Variants in MAP4K3 observed in about 807,000 individuals in gnomAD.
MAP4K3 encodes MAPK/ERK kinase kinase kinase 3.
In MAP4K3, 94 loss-of-function variants were observed where a neutral mutation model predicts 143.5. The ratio of observed to expected loss-of-function variants is 0.65; its 90% CI spans 0.55 to 0.78. The LOEUF is 0.78. Ranked by LOEUF, MAP4K3 falls within the 30% of genes least tolerant of loss-of-function variation. The pLI is 0.00. For synonymous variants in MAP4K3, 416 were observed against 347.2 expected, an observed-to-expected ratio of 1.20 and a Z score of -2.20; for missense variants, 1,077 against 1,068.1, an observed-to-expected ratio of 1.01 and a Z score of -0.12.
At chr2:39,279,268 G>A (rs945069600) in intron 23 of MAP4K3, among the ~76,000 whole-genome samples, 6 of 152,252 alleles carry the variant, frequency 3.9e-5, no homozygotes, top group African/African-American at 1.4e-4. Context: ...AAAGTGCCCA[G>A]AATTTAAGAT....
chr2:39,338,587 C>T (rs960874938), intron 4 of MAP4K3, among the ~76,000 whole-genome samples: 29 of 152,164 alleles, frequency 1.9e-4, no homozygotes, highest in African/African-American at 3.1e-4. Flanking sequence ...TTTTCACTTA[C>T]GATGAACACC....
intron 1 of MAP4K3, among the ~76,000 whole-genome samples, chr2:39,403,480 A>G (rs936739484): frequency 6.6e-6 from 1 of 152,154 alleles, no homozygotes; most frequent in Admixed American, 6.5e-5. Flanking sequence ...TGGAAAGCAC[A>G]GTGATTGTGA....
intron 2 of MAP4K3, among the ~76,000 whole-genome samples, chr2:39,366,557 G>GAGGGC (rs1302707959): frequency 9.9e-5 from 15 of 152,232 alleles, no homozygotes; most frequent in Non-Finnish European, 2.1e-4. Context: ...AGAAAGGGAA[G>GAGGGC]AGGGCGTAGT....
At chr2:39,252,525 T>C (rs1489825999) in intron 32 of MAP4K3, among the ~76,000 whole-genome samples, 1 of 152,212 alleles carries the variant, frequency 6.6e-6, no homozygotes, top group Non-Finnish European at 1.5e-5. Flanking sequence ...TGAAATAATA[T>C]TTTCTAATGA....
chr2:39,318,979 A>G (rs959205632), intron 12 of MAP4K3, among the ~76,000 whole-genome samples: 4 of 152,074 alleles, frequency 2.6e-5, no homozygotes, highest in African/African-American at 9.7e-5. Context: ...ATATCTGGGG[A>G]CATTTTTTTG....
At chr2:39,337,833 C>T (rs1665018782) in intron 4 of MAP4K3, among the ~76,000 whole-genome samples, 1 of 136,792 alleles carries the variant, frequency 7.3e-6, no homozygotes, top group Non-Finnish European at 1.5e-5. Flanking sequence ...AATCACAGCT[C>T]ACTGCAGCCT....
Position 39,271,185 on chromosome 2 carries a change from C to T in MAP4K3, c.1973+1098G>A, listed in dbSNP as rs150980980. Among the ~76,000 whole-genome samples the T allele has an allele frequency of 5.1e-3, 783 of 152,100 alleles. 7 individuals carry two copies. The highest frequency in any genetic ancestry group is 0.018 in the African/African-American group (749 of 41,482). On this transcript the variant is annotated intron_variant, in intron 26 of 33. Transcript: ENST00000263881. Reference sequence around the variant, plus strand: ...TGGTACAATAAGTACCTATATTCAGCGTAGGTAAAATCATACCATATGGAA... The same window carrying T: ...TGGTACAATAAGTACCTATATTCAGTGTAGGTAAAATCATACCATATGGAA...
intron 1 of MAP4K3, among the ~76,000 whole-genome samples, chr2:39,420,789 G>A (rs890637831): frequency 6.6e-6 from 1 of 152,130 alleles, no homozygotes; most frequent in Non-Finnish European, 1.5e-5. Context: ...AGCAAAAGAT[G>A]TCTCTTTCCT....
At chr2:39,412,223 G>C (rs79504704) in intron 1 of MAP4K3, among the ~76,000 whole-genome samples, 330 of 152,282 alleles carry the variant, frequency 2.2e-3, no homozygotes, top group African/African-American at 7.6e-3. Context: ...CAGGGCCCTG[G>C]AAAAAGACCA....
intron 21 of MAP4K3, among the ~76,000 whole-genome samples, chr2:39,285,816 G>C (rs1179968985): frequency 6.6e-6 from 1 of 152,112 alleles, no homozygotes; most frequent in Non-Finnish European, 1.5e-5. Flanking sequence ...TTGAGATATT[G>C]GGGATTTTAA....
At chr2:39,391,278 G>T (rs1666647632) in intron 1 of MAP4K3, among the ~76,000 whole-genome samples, 1 of 129,518 alleles carries the variant, frequency 7.7e-6, no homozygotes, top group African/African-American at 2.8e-5. Flanking sequence ...AGAATGGCGT[G>T]AACCCAGGCG....
intron 2 of MAP4K3, among the ~76,000 whole-genome samples, chr2:39,363,668 CA>C (rs34083007): frequency 5.6e-3 from 471 of 83,722 alleles, no homozygotes; most frequent in African/African-American, 0.021. Flanking sequence ...GACTCTGTCT[CA>C]AAAAAAAAAA....
At chr2:39,350,597 T>C (rs574182902) in intron 3 of MAP4K3, among the ~76,000 whole-genome samples, 1 of 152,338 alleles carries the variant, frequency 6.6e-6, no homozygotes, top group African/African-American at 2.4e-5. Context: ...TTCTTAGCAC[T>C]GTCTCTGGCT....
At chr2:39,325,042 C>T (rs1173219521) in intron 12 of MAP4K3, among the ~76,000 whole-genome samples, 1 of 152,086 alleles carries the variant, frequency 6.6e-6, no homozygotes, top group Non-Finnish European at 1.5e-5. Flanking sequence ...GTTTCAAACT[C>T]CTGGCCTCAA....
intron 1 of MAP4K3, among the ~76,000 whole-genome samples, chr2:39,432,497 T>C (rs1665320960): frequency 6.6e-6 from 1 of 152,182 alleles, no homozygotes; most frequent in Non-Finnish European, 1.5e-5. Flanking sequence ...TCTATTAGAG[T>C]CTATCCTAAA....
intron 1 of MAP4K3, among the ~76,000 whole-genome samples, chr2:39,385,911 C>T (rs1666493303): frequency 1.3e-5 from 2 of 152,090 alleles, no homozygotes; most frequent in South Asian, 4.1e-4. Flanking sequence ...GGATTACAGG[C>T]ATGAGCCACT....
At chr2:39,397,093 A>G (rs1366553306) in intron 1 of MAP4K3, among the ~76,000 whole-genome samples, 1 of 152,226 alleles carries the variant, frequency 6.6e-6, no homozygotes, top group Non-Finnish European at 1.5e-5. Flanking sequence ...AAGTCAAAAT[A>G]AAGAAATGAT....
Position 39,290,284 on chromosome 2 carries a change from C to A in MAP4K3, c.1314+8G>T. On this transcript the variant is annotated splice_region_variant and intron_variant, in intron 19 of 33. Transcript: ENST00000263881. ...ACATATATCAAATTGAAAAATAAATCTGTCTACCTTTGGTGGCAAAGGAGG... is the reference window on the plus strand; with the variant it reads ...ACATATATCAAATTGAAAAATAAATATGTCTACCTTTGGTGGCAAAGGAGG... 6.3e-7 allele frequency: 1 copy of A among 1,595,836 alleles called. No individual in the cohort carries two copies. Among genetic ancestry groups the A allele is most frequent in the South Asian group, 1.2e-5 (1 of 86,790 alleles).
chr2:39,266,488 C>G (rs561877862), intron 27 of MAP4K3, among the ~76,000 whole-genome samples: 2 of 152,084 alleles, frequency 1.3e-5, no homozygotes, highest in Non-Finnish European at 2.9e-5. Context: ...ATTATGTAAC[C>G]TTTATGATTT....
Sources: gnomAD v4.1 joint callset for allele counts (sites outside exome capture counted in the v4.1 genomes callset) on GRCh38, gnomAD v4.1.1 for gene constraint, MANE v1.5 for transcripts, NCBI Gene and HGNC (gene_info 2026-07-23, HGNC 2026-07-21) for gene names.